DRGX: variants seen among roughly 807,000 people sequenced by gnomAD.
DRGX encodes dorsal root ganglia homeobox protein.
DRGX carries 21 observed loss-of-function variants against 28.6 expected under a neutral mutation model. The ratio of observed to expected loss-of-function variants is 0.73; its 90% CI spans 0.52 to 1.06. The LOEUF is 1.06. DRGX is among the 50% of genes least tolerant of loss of function. The pLI is 0.00. For synonymous variants in DRGX, 136 were observed against 139.1 expected (o/e 0.98, Z 0.16); for missense variants, 354 against 343.9 (o/e 1.03, Z -0.23).
In DRGX at chr10:49,382,700, C is replaced by T. The variant is rs557014832; in HGVS notation, c.526+3778G>A. Among the ~76,000 whole-genome samples, 75 of 152,308 alleles carry T rather than the reference C, an allele frequency of 4.9e-4. No homozygotes were observed. In the South Asian group the frequency reaches 0.014, roughly 29 times the overall value. Reference sequence around the variant, plus strand: ...TCCACCCTCACCCTACCTCTGGGCACTCTCCCATAGGCACCCAACACACCA... The same window carrying T: ...TCCACCCTCACCCTACCTCTGGGCATTCTCCCATAGGCACCCAACACACCA... On this transcript the variant is annotated intron_variant, in intron 6 of 6. Transcript: ENST00000374139.
At position 49,364,134 on chromosome 10, in the gene DRGX, T is replaced by C. The variant is rs1405039475; in HGVS notation, c.*1982A>G. On this transcript the variant is annotated 3_prime_UTR_variant, in exon 7 of 7. Transcript: ENST00000374139. ...AGAAACTACATCATGCATCATTACT[T>C]TTTGCCTTTGTACAACAAAACAAAG... 1.3e-5 allele frequency: 2 copies of C among 152,202 alleles called. No individual in the cohort carries two copies. Among genetic ancestry groups the C allele is most frequent in the African/African-American group, 4.8e-5 (2 of 41,454 alleles). The allele number at this position is 152,202 out of a possible 1,614,324, so 9.4% of individuals were successfully genotyped here.
chr10:49,389,648 C>T (rs1222146115), intron 4 of DRGX, among the ~76,000 whole-genome samples: 1 of 152,150 alleles, frequency 6.6e-6, no homozygotes, highest in Non-Finnish European at 1.5e-5. Flanking sequence ...TTAAATTGCA[C>T]ATCTTCTTTG....
intron 6 of DRGX, among the ~76,000 whole-genome samples, chr10:49,383,600 T>G (rs959069264): frequency 5.3e-5 from 8 of 152,332 alleles, no homozygotes; most frequent in South Asian, 2.1e-4. Context: ...AGAATGCTTG[T>G]GTGTCCCTCC....
At chr10:49,391,727 T>C in intron 2 of DRGX, 1 of 468,046 alleles carries the variant, frequency 2.1e-6, no homozygotes, top group Admixed American at 2.4e-5. Context: ...ATCTGGGGGT[T>C]AGGAGAGGCT....
chr10:49,387,385 G>A (rs769368736), intron 4 of DRGX, among the ~76,000 whole-genome samples: 3 of 152,262 alleles, frequency 2.0e-5, no homozygotes, highest in East Asian at 1.9e-4. Flanking sequence ...TGGGTCAGGC[G>A]TGGTGGCTCA....
chr10:49,391,266 C>G lies in DRGX; in HGVS notation c.35-5G>C. The G allele has an allele frequency of 5.0e-6, 8 of 1,607,388 alleles. No individual in the cohort carries two copies. The highest frequency in any genetic ancestry group is 6.8e-6 in the Non-Finnish European group (8 of 1,176,864). ...GATTGCCAAAGGTTGCAGTGCCTAC[C>G]AAGAGCAAACTGATCAACCTGGGCA... On this transcript the variant is annotated splice_polypyrimidine_tract_variant and splice_region_variant and intron_variant, in intron 2 of 6. Transcript: ENST00000374139.
Position 49,390,217 on chromosome 10 carries a change from G to A in DRGX, c.150C>T (p.Ala50=), listed in dbSNP as rs768076236. 174 of 1,611,306 alleles carry A rather than the reference G, an allele frequency of 1.1e-4. No individual in the cohort carries two copies. The highest frequency in any genetic ancestry group is 1.3e-4 in the Non-Finnish European group (152 of 1,178,850). ...FTLQQLEALE[A]VFAQTHYPDV... ...CTGGATAGTGTGTTTGGGCAAAAAC[G>A]GCCTCGAGAGCTTCCAGCTGGTAAA... The change falls in exon 4 of 7, where the codon GCC becomes GCT. Residue 50 remains alanine (A), a synonymous_variant. Transcript: ENST00000374139.
intron 2 of DRGX, among the ~76,000 whole-genome samples, chr10:49,392,238 G>T (rs1427905773): frequency 6.6e-6 from 1 of 152,236 alleles, no homozygotes; most frequent in Non-Finnish European, 1.5e-5. Context: ...GAGTTCTGGA[G>T]CTACACTGTC....
intron 4 of DRGX, among the ~76,000 whole-genome samples, chr10:49,387,866 A>T (rs1278820515): frequency 6.6e-6 from 1 of 152,198 alleles, no homozygotes; most frequent in Non-Finnish European, 1.5e-5. Flanking sequence ...AAGGCTATCC[A>T]GGTGGTAAAT....
chr10:49,370,051 G>A (rs912469), intron 6 of DRGX, among the ~76,000 whole-genome samples: 51 of 152,224 alleles, frequency 3.4e-4, no homozygotes, highest in South Asian at 3.1e-3. Context: ...TGGTGAGAGG[G>A]GCAGGTGGGG....
At chr10:49,372,067 G>A (rs901504448) in intron 6 of DRGX, among the ~76,000 whole-genome samples, 3 of 152,182 alleles carry the variant, frequency 2.0e-5, no homozygotes, top group African/African-American at 7.2e-5. Flanking sequence ...ACAGAGGCAA[G>A]CAGAGCAGAA....
At chr10:49,384,939 C>T (rs766070948) in intron 6 of DRGX, among the ~76,000 whole-genome samples, 2 of 152,186 alleles carry the variant, frequency 1.3e-5, no homozygotes. Context: ...GAGAAGATGA[C>T]TCTCAGGAGC....
At chr10:49,380,265 C>T (rs556510017) in intron 6 of DRGX, among the ~76,000 whole-genome samples, 9 of 152,358 alleles carry the variant, frequency 5.9e-5, no homozygotes, top group Non-Finnish European at 1.0e-4. Context: ...CTGTGAATCA[C>T]AGGTTAGAGG....
At chr10:49,368,579 G>A (rs922438505) in intron 6 of DRGX, among the ~76,000 whole-genome samples, 3 of 152,368 alleles carry the variant, frequency 2.0e-5, no homozygotes, top group Middle Eastern at 3.4e-3. Flanking sequence ...AACAATGCCT[G>A]CTATGAGCCT....
At chr10:49,379,959 C>T (rs1849756466) in intron 6 of DRGX, among the ~76,000 whole-genome samples, 1 of 152,226 alleles carries the variant, frequency 6.6e-6, no homozygotes. Flanking sequence ...GTCACCTCTC[C>T]AGAGGGGATG....
intron 6 of DRGX, among the ~76,000 whole-genome samples, chr10:49,380,960 A>T (rs530352944): frequency 6.6e-6 from 1 of 152,292 alleles, no homozygotes; most frequent in South Asian, 2.1e-4. Context: ...CTCCTCATTC[A>T]GTCTTATGAA....
chr10:49,381,791 G>A (rs979837904), intron 6 of DRGX, among the ~76,000 whole-genome samples: 8 of 152,188 alleles, frequency 5.3e-5, no homozygotes, highest in African/African-American at 1.7e-4. Context: ...CACCCAGGGG[G>A]TATCTAGGGC....
chr10:49,391,989 G>C (rs571708144), intron 2 of DRGX: 1 of 406,158 alleles, frequency 2.5e-6, no homozygotes, highest in African/African-American at 2.1e-5. Flanking sequence ...GCCTTATAAA[G>C]CACCTACCAC....
intron 2 of DRGX, among the ~76,000 whole-genome samples, chr10:49,392,604 T>C (rs979552035): frequency 6.6e-6 from 1 of 152,204 alleles, no homozygotes; most frequent in African/African-American, 2.4e-5. Flanking sequence ...GGATCTCCAA[T>C]CACAATTTCG....
Sources: allele counts gnomAD v4.1 joint callset (sites outside exome capture counted in the v4.1 genomes callset), GRCh38; gene constraint gnomAD v4.1.1; transcripts MANE v1.5; gene names NCBI Gene and HGNC (gene_info 2026-07-23, HGNC 2026-07-21).